Variants in SLC35D1 observed in about 807,000 individuals in gnomAD.
SLC35D1 encodes nucleotide sugar transporter SLC35D1.
A neutral mutation model predicts 46.7 loss-of-function variants in SLC35D1; 31 were observed. That is an observed-to-expected ratio of 0.66 (90% CI 0.50 to 0.90). SLC35D1 has a LOEUF of 0.90. Ranked by LOEUF, SLC35D1 falls within the 40% of genes least tolerant of loss-of-function variation. SLC35D1 has a pLI of 0.00. For missense variants in SLC35D1, 397 were observed against 426.2 expected, an observed-to-expected ratio of 0.93 and a Z score of 0.60; for synonymous variants, 195 against 164.6, an observed-to-expected ratio of 1.18 and a Z score of -1.41.
chr1:67,005,864 C>T (rs1028550669), intron 11 of SLC35D1, among the ~76,000 whole-genome samples: 8 of 152,134 alleles, frequency 5.3e-5, no homozygotes, highest in South Asian at 2.1e-4. Flanking sequence ...TAATTTCCCA[C>T]GGCCTTAATT....
At chr1:67,032,506 C>T (rs1197141323) in intron 8 of SLC35D1, among the ~76,000 whole-genome samples, 1 of 151,852 alleles carries the variant, frequency 6.6e-6, no homozygotes, top group Non-Finnish European at 1.5e-5. Context: ...CACGGAGAAA[C>T]CCTATCTCTA....
intron 8 of SLC35D1, among the ~76,000 whole-genome samples, chr1:67,033,449 T>C (rs993777326): frequency 6.6e-6 from 1 of 152,218 alleles, no homozygotes; most frequent in African/African-American, 2.4e-5. Flanking sequence ...TATCTCATTG[T>C]AGTTTTGGTT....
the SLC35D1 span, among the ~76,000 whole-genome samples, chr1:66,977,823 AAAAT>A: frequency 6.6e-6 from 1 of 152,192 alleles, no homozygotes; most frequent in South Asian, 2.1e-4. Context: ...TGCAAAATAA[AAAAT>A]AAAAATAAAA....
chr1:67,045,652 T>C (rs1256845693), intron 7 of SLC35D1, among the ~76,000 whole-genome samples: 1 of 152,148 alleles, frequency 6.6e-6, no homozygotes, highest in South Asian at 2.1e-4. Context: ...GAAACTTTGA[T>C]TTTTTTTCTA....
intron 10 of SLC35D1, among the ~76,000 whole-genome samples, chr1:67,018,343 C>T (rs897886533): frequency 2.0e-5 from 3 of 151,948 alleles, no homozygotes; most frequent in African/African-American, 7.3e-5. Context: ...TGTAAGTTGC[C>T]CAAGGAACTT....
intron 8 of SLC35D1, among the ~76,000 whole-genome samples, chr1:67,035,429 T>C (rs566046681): frequency 6.6e-6 from 1 of 152,324 alleles, no homozygotes; most frequent in South Asian, 2.1e-4. Flanking sequence ...TGGTAGGTTG[T>C]ATGTGTCCAG....
chr1:66,995,667 C>A (rs966482503), downstream of SLC35D1, among the ~76,000 whole-genome samples: 5 of 151,864 alleles, frequency 3.3e-5, no homozygotes, highest in African/African-American at 1.2e-4. Flanking sequence ...GGGACAGAGG[C>A]CCTAGAAGGT....
At chr1:67,052,522 T>G (rs1355085206) in intron 3 of SLC35D1, among the ~76,000 whole-genome samples, 1 of 152,188 alleles carries the variant, frequency 6.6e-6, no homozygotes, top group East Asian at 1.9e-4. Flanking sequence ...GCAAAACTAT[T>G]GTACTCTCAA....
intron 10 of SLC35D1, among the ~76,000 whole-genome samples, chr1:67,013,468 T>C (rs1667617500): frequency 6.6e-6 from 1 of 151,922 alleles, no homozygotes; most frequent in East Asian, 1.9e-4. Flanking sequence ...GATGGGGGGA[T>C]AAATTGAGCC....
the SLC35D1 span, among the ~76,000 whole-genome samples, chr1:66,982,392 G>T: frequency 1.3e-5 from 2 of 152,272 alleles, no homozygotes; most frequent in African/African-American, 4.8e-5. Flanking sequence ...GTATCAACCT[G>T]TATATTAATA....
At chr1:67,038,499 G>A (rs982064729) in intron 8 of SLC35D1, among the ~76,000 whole-genome samples, 1 of 152,098 alleles carries the variant, frequency 6.6e-6, no homozygotes, top group Non-Finnish European at 1.5e-5. Flanking sequence ...AGGGTGTGCT[G>A]CCAGAAAGCC....
In SLC35D1 at chr1:67,001,059, G is replaced by T. The variant is rs1243323992; in HGVS notation, c.*3281C>A. 6.6e-6 allele frequency: 1 copy of T among 152,270 alleles called. No individual in the cohort carries two copies. The highest frequency in any genetic ancestry group is 1.5e-5 in the Non-Finnish European group (1 of 68,036). The allele number at this position is 152,270 out of a possible 1,614,324, so 9.4% of individuals were successfully genotyped here. On this transcript the variant is annotated 3_prime_UTR_variant, in exon 12 of 12. Transcript: ENST00000235345. Reference sequence around the variant, plus strand: ...CTAAAGAATTACACACTCCTTGAAAGCAAGAACCATGTCTTGTTTATCTTT... The same window carrying T: ...CTAAAGAATTACACACTCCTTGAAATCAAGAACCATGTCTTGTTTATCTTT...
rs1027070992 is a variant in SLC35D1, at chr1:67,000,717, G to A, written c.*3623C>T. 2.6e-5 allele frequency: 4 copies of A among 152,188 alleles called. No individual in the cohort carries two copies. Among genetic ancestry groups the A allele is most frequent in the Non-Finnish European group, 5.9e-5 (4 of 68,026 alleles). 9.4% of individuals were successfully genotyped at this position (152,188 alleles called of 1,614,324 possible). A position where few individuals can be genotyped will look rare whatever the true frequency, so the allele number is the denominator to read the frequency against. ...TTTATTCCGAACTTTTTTCCTCAGG[G>A]AGAGAAAAATCAATTACAGTCTTGT... On this transcript the variant is annotated 3_prime_UTR_variant, in exon 12 of 12. Coordinates refer to ENST00000235345, the MANE Select transcript of SLC35D1 (RefSeq NM_015139.3).
intron 6 of SLC35D1, 114 bp from the exon 7 acceptor site, chr1:67,047,481 T>G: frequency 1.1e-6 from 1 of 918,716 alleles, no homozygotes. Context: ...AAGTGAATAT[T>G]AGGCATTTTA....
chr1:66,985,171 A>C, the SLC35D1 span: 3 of 997,986 alleles, frequency 3.0e-6, no homozygotes, highest in Non-Finnish European at 3.6e-6. Flanking sequence ...TCTTTAGTTC[A>C]TTCAGATTTA....
chr1:67,029,688 C>G (rs751311388), intron 8 of SLC35D1, among the ~76,000 whole-genome samples: 1 of 152,192 alleles, frequency 6.6e-6, no homozygotes, highest in East Asian at 1.9e-4. Flanking sequence ...CTGACCCCCT[C>G]TGAACTTTGC....
intron 7 of SLC35D1, among the ~76,000 whole-genome samples, chr1:67,043,321 G>T (rs1000083424): frequency 6.6e-6 from 1 of 152,050 alleles, no homozygotes; most frequent in African/African-American, 2.4e-5. Context: ...AGCCAAGAAC[G>T]AGATTGTGCC....
intron 8 of SLC35D1, among the ~76,000 whole-genome samples, chr1:67,035,270 T>C (rs1668100511): frequency 6.6e-6 from 1 of 152,206 alleles, no homozygotes; most frequent in South Asian, 2.1e-4. Context: ...TCAGTAAGAT[T>C]GGCATTAGTT....
chr1:66,977,718 G>T, the SLC35D1 span, among the ~76,000 whole-genome samples: 2 of 151,986 alleles, frequency 1.3e-5, no homozygotes, highest in Non-Finnish European at 2.9e-5. Flanking sequence ...TGTCTTTCAT[G>T]AATTGCTTTA....
Sources: allele counts gnomAD v4.1 joint callset (sites outside exome capture counted in the v4.1 genomes callset), GRCh38; gene constraint gnomAD v4.1.1; transcripts MANE v1.5; gene names NCBI Gene and HGNC (gene_info 2026-07-23, HGNC 2026-07-21).